Variants in CHN2 observed in about 807,000 individuals in gnomAD.
CHN2 encodes the protein beta-chimaerin.
Under a neutral mutation model 56.3 loss-of-function variants are expected in CHN2, and 35 were observed. The ratio of observed to expected loss-of-function variants is 0.62; its 90% CI spans 0.47 to 0.82. The LOEUF (loss-of-function observed/expected upper bound fraction) is 0.82. Ranked by LOEUF, CHN2 falls within the 40% of genes least tolerant of loss-of-function variation. The pLI, the probability that CHN2 is intolerant of heterozygous loss-of-function variation, is 0.00. For missense variants in CHN2, 491 were observed against 580.5 expected (o/e 0.85, Z 1.58); for synonymous variants, 210 against 212.8 (o/e 0.99, Z 0.12).
intron 9 of CHN2, among the ~76,000 whole-genome samples, chr7:29,501,602 G>A (rs914752565): frequency 3.3e-5 from 5 of 152,148 alleles, no homozygotes; most frequent in African/African-American, 9.7e-5. Context: ...GTACAAGAGC[G>A]AGATAGAGTA....
At chr7:29,218,124 G>A (rs1423520966) in intron 1 of CHN2, among the ~76,000 whole-genome samples, 3 of 152,046 alleles carry the variant, frequency 2.0e-5, no homozygotes, top group Non-Finnish European at 4.4e-5. Flanking sequence ...TAATTACAAA[G>A]CTCTAAAGGG....
chr7:29,370,808 T>G (rs1454271378), intron 3 of CHN2, among the ~76,000 whole-genome samples: 1 of 152,224 alleles, frequency 6.6e-6, no homozygotes, highest in Non-Finnish European at 1.5e-5. Flanking sequence ...TACCAACTAC[T>G]TAGTAGACTT....
At chr7:29,347,656 G>A (rs1797561981) in intron 1 of CHN2, among the ~76,000 whole-genome samples, 1 of 152,100 alleles carries the variant, frequency 6.6e-6, no homozygotes, top group East Asian at 1.9e-4. Context: ...AACACGTAAG[G>A]ATTACAGTTT....
intron 6 of CHN2, among the ~76,000 whole-genome samples, chr7:29,460,964 G>A (rs370451700): frequency 2.0e-5 from 3 of 152,136 alleles, no homozygotes; most frequent in Non-Finnish European, 2.9e-5. Context: ...ATAGTAATTG[G>A]TCTTGTCTCA....
At chr7:29,158,340 T>C (rs1794707823) in intron 2 of CHN2, among the ~76,000 whole-genome samples, 1 of 152,218 alleles carries the variant, frequency 6.6e-6, no homozygotes, top group Non-Finnish European at 1.5e-5. Flanking sequence ...TGCTACTTTT[T>C]ATTGCTGTAG....
intron 1 of CHN2, among the ~76,000 whole-genome samples, chr7:29,246,625 C>A (rs112004448): frequency 6.6e-6 from 1 of 152,130 alleles, no homozygotes; most frequent in Non-Finnish European, 1.5e-5. Context: ...AACTTAAGTA[C>A]GTGTCTTAGT....
intron 1 of CHN2, among the ~76,000 whole-genome samples, chr7:29,205,821 A>G (rs550346146): frequency 4.6e-5 from 7 of 152,188 alleles, no homozygotes; most frequent in Non-Finnish European, 1.0e-4. Flanking sequence ...TATTATGTAA[A>G]AAAAAATTAT....
chr7:29,173,797 C>A (rs59148785), intron 2 of CHN2, among the ~76,000 whole-genome samples: 1 of 150,136 alleles, frequency 6.7e-6, no homozygotes, highest in African/African-American at 2.4e-5. Context: ...AAAAATTAGT[C>A]GAGTGTGGTG....
chr7:29,410,443 AAAG>A (rs1461074017), intron 6 of CHN2, among the ~76,000 whole-genome samples: 4 of 152,136 alleles, frequency 2.6e-5, no homozygotes, highest in Non-Finnish European at 4.4e-5. Context: ...TCTCTTGATT[AAAG>A]GTTTTTTTTT....
At chr7:29,172,043 C>T (rs1366369976) in intron 2 of CHN2, among the ~76,000 whole-genome samples, 3 of 152,178 alleles carry the variant, frequency 2.0e-5, no homozygotes, top group Non-Finnish European at 2.9e-5. Context: ...GGAGACAGCC[C>T]CCTAGTCAGC....
intron 1 of CHN2, among the ~76,000 whole-genome samples, chr7:29,280,399 A>AATAAATAC (rs1791605921): frequency 6.6e-6 from 1 of 151,970 alleles, no homozygotes; most frequent in Non-Finnish European, 1.5e-5. Context: ...TAAATAAATA[A>AATAAATAC]ATAAATAAAT....
rs184398158 is a variant in CHN2, at chr7:29,232,442, T to A, written c.49+37452T>A. ...GCCTCAGTAAATTACTCTCCTGGAG[T>A]CACAGCTGCTTTCTTCCTTTGAGAA... On this transcript the variant is annotated intron_variant, in intron 1 of 12. Transcript: ENST00000222792. Among the ~76,000 whole-genome samples the A allele has an allele frequency of 3.5e-3, 536 of 152,294 alleles. 3 individuals carry two copies. The highest frequency in any genetic ancestry group is 0.012 in the African/African-American group (505 of 41,564).
chr7:29,228,658 C>T (rs144641548), intron 1 of CHN2, among the ~76,000 whole-genome samples: 60 of 152,306 alleles, frequency 3.9e-4, no homozygotes, highest in Non-Finnish European at 6.6e-4. Flanking sequence ...TCCTTTCACT[C>T]GTTAGACAAA....
intron 6 of CHN2, among the ~76,000 whole-genome samples, chr7:29,438,657 T>C (rs1008537547): frequency 1.3e-5 from 2 of 152,228 alleles, no homozygotes; most frequent in Non-Finnish European, 2.9e-5. Context: ...AGTGTAACTT[T>C]ACCTACTTTG....
At chr7:29,304,985 C>T (rs942389734) in intron 1 of CHN2, among the ~76,000 whole-genome samples, 6 of 152,150 alleles carry the variant, frequency 3.9e-5, no homozygotes, top group African/African-American at 7.2e-5. Flanking sequence ...TCCCGTGAAC[C>T]AGATGTGAGC....
rs1456609224 is a variant in CHN2 at position 29,302,259 on chromosome 7, GCTTCTCCCT to G, written c.50-52360_50-52352del. On this transcript the variant is annotated intron_variant, in intron 1 of 12. Coordinates refer to ENST00000222792, the MANE Select transcript of CHN2 (RefSeq NM_004067.4). The stretch of plus-strand genomic sequence containing the variant: ...AGCTACTTCTGCTTCTTCTGCTGCT[GCTTCTCCCT>G]CTTCTTCCTCCTCTTCTTCTTCCTC... Among the ~76,000 whole-genome samples, 771 of 135,194 alleles carry G rather than the reference GCTTCTCCCT, an allele frequency of 5.7e-3. 6 individuals are homozygous for G. Among genetic ancestry groups the G allele is most frequent in the African/African-American group, 0.021 (724 of 34,700 alleles). 88.7% of individuals were successfully genotyped at this position (135,194 alleles called of 152,430 possible).
rs1157919216 is a variant in CHN2, at chr7:29,146,908, T to C, written c.222T>C (p.Cys74=). 14 of 1,551,108 alleles carry C rather than the reference T, an allele frequency of 9.0e-6. No individual in the cohort carries two copies. Among genetic ancestry groups the C allele is most frequent in the Middle Eastern group, 3.3e-4 (2 of 6,018 alleles). Reference sequence around the variant, plus strand: ...AGCGAGTGGTGTTTGATTCCCACTGTTTAAAAAGGCAACACACGTTCGCTG... The same window carrying C: ...AGCGAGTGGTGTTTGATTCCCACTGCTTAAAAAGGCAACACACGTTCGCTG... The change falls in exon 2 of 7, where the codon TGT becomes TGC. Residue 74 remains cysteine (C), a synonymous_variant. Transcript: ENST00000439384.
At chr7:29,274,920 G>A (rs532271239) in intron 1 of CHN2, among the ~76,000 whole-genome samples, 51 of 152,278 alleles carry the variant, frequency 3.3e-4, no homozygotes, top group African/African-American at 1.1e-3. Context: ...ATCACCCAGC[G>A]CAGAGGAAAG....
intron 2 of CHN2, among the ~76,000 whole-genome samples, chr7:29,167,122 C>A (rs984349019): frequency 2.0e-5 from 3 of 152,086 alleles, no homozygotes; most frequent in African/African-American, 7.2e-5. Flanking sequence ...TGGTAACATC[C>A]CTACCTTGAT....
Sources: gnomAD v4.1 joint callset for allele counts (sites outside exome capture counted in the v4.1 genomes callset) on GRCh38, gnomAD v4.1.1 for gene constraint, MANE v1.5 for transcripts, NCBI Gene and HGNC (gene_info 2026-07-23, HGNC 2026-07-21) for gene names.